Variants in PER2 observed in about 807,000 individuals in gnomAD.
PER2 encodes the protein period circadian protein homolog 2.
In PER2, 66 loss-of-function variants were observed where a neutral mutation model predicts 121.0. That is an observed-to-expected ratio of 0.55 (90% CI 0.45 to 0.67). The LOEUF (loss-of-function observed/expected upper bound fraction) is 0.67. Ranked by LOEUF, PER2 falls within the 30% of genes least tolerant of loss-of-function variation. The probability of loss-of-function intolerance (pLI) is 0.00; values close to 1 mark genes in which losing one functional copy is unlikely to be tolerated. For synonymous variants in PER2, 684 were observed against 659.9 expected, an observed-to-expected ratio of 1.04 and a Z score of -0.56; for missense variants, 1,521 against 1,635.0, an observed-to-expected ratio of 0.93 and a Z score of 1.20.
At chr2:238,260,134 G>A (rs1393083986) in intron 13 of PER2, 81 bp from the exon 14 acceptor site, 2 of 693,644 alleles carry the variant, frequency 2.9e-6, no homozygotes, top group Non-Finnish European at 5.2e-6. Flanking sequence ...AACAGAGGAT[G>A]GCTGAAATAA....
intron 9 of PER2, among the ~76,000 whole-genome samples, chr2:238,263,548 T>TGGGCCTCTGCCC (rs1346226915): frequency 2.0e-5 from 3 of 151,632 alleles, no homozygotes; most frequent in African/African-American, 7.3e-5. Context: ...GGTGGCTGGC[T>TGGGCCTCTGCCC]GGGCCTCTGC....
At chr2:238,296,052 G>A in the PER2 span, among the ~76,000 whole-genome samples, 1 of 142,964 alleles carries the variant, frequency 7.0e-6, no homozygotes, top group Non-Finnish European at 1.5e-5. Flanking sequence ...TCAGTCGTGT[G>A]CCCTCCTGCT....
At chr2:238,259,052 T>G (rs1347079017) in intron 14 of PER2, among the ~76,000 whole-genome samples, 5 of 152,306 alleles carry the variant, frequency 3.3e-5, no homozygotes, top group African/African-American at 1.2e-4. Context: ...TGATGACAAC[T>G]GCCTGCTCAC....
intron 1 of PER2, among the ~76,000 whole-genome samples, chr2:238,284,486 T>C (rs1696724717): frequency 6.7e-6 from 1 of 150,226 alleles, no homozygotes; most frequent in Non-Finnish European, 1.5e-5. Flanking sequence ...GAAAAACAGA[T>C]GGGCAACAAA....
intron 1 of PER2, among the ~76,000 whole-genome samples, chr2:238,278,594 A>C (rs1252366429): frequency 2.0e-5 from 3 of 152,206 alleles, no homozygotes; most frequent in Admixed American, 6.5e-5. Context: ...CCCTCTGAAT[A>C]GGTGATCTGC....
chr2:238,280,778 CAT>C (rs1696604905), intron 1 of PER2, among the ~76,000 whole-genome samples: 1 of 152,064 alleles, frequency 6.6e-6, no homozygotes, highest in Admixed American at 6.6e-5. Context: ...GAGCGAGACA[CAT>C]AAAGAGAACC....
intron 8 of PER2, 73 bp downstream of exon 8, chr2:238,267,983 A>C: frequency 6.5e-7 from 1 of 1,535,018 alleles, no homozygotes; most frequent in Non-Finnish European, 9.0e-7. Context: ...TACAGATGTT[A>C]TGTGTGAACC....
upstream of PER2, among the ~76,000 whole-genome samples, chr2:238,288,829 C>G (rs1240207641): frequency 6.6e-6 from 1 of 152,074 alleles, no homozygotes; most frequent in Non-Finnish European, 1.5e-5. Flanking sequence ...CGCGCCCGCC[C>G]CCGGCCTCCG....
chr2:238,282,071 G>A (rs894945156), intron 1 of PER2, among the ~76,000 whole-genome samples: 1 of 152,144 alleles, frequency 6.6e-6, no homozygotes, highest in East Asian at 1.9e-4. Flanking sequence ...CTTAGCTTAC[G>A]CCCGGCCCGT....
chr2:238,260,407 C>T (rs1695891695), intron 13 of PER2, among the ~76,000 whole-genome samples: 1 of 152,034 alleles, frequency 6.6e-6, no homozygotes, highest in African/African-American at 2.4e-5. Context: ...CAGGGGCGCG[C>T]CACCATGCAA....
upstream of PER2, among the ~76,000 whole-genome samples, chr2:238,288,763 C>T (rs1559339807): frequency 6.6e-6 from 1 of 151,698 alleles, no homozygotes; most frequent in African/African-American, 2.4e-5. Context: ...AGCGCCGCCG[C>T]CTCCGCCGCG....
At chr2:238,287,810 T>C (rs967321360) in intron 1 of PER2, among the ~76,000 whole-genome samples, 4 of 152,198 alleles carry the variant, frequency 2.6e-5, no homozygotes, top group African/African-American at 9.7e-5. Flanking sequence ...CGTCATCCCT[T>C]ACCCTGGCCT....
intron 6 of PER2, 67 bp downstream of exon 6, chr2:238,271,245 G>T (rs2106317276): frequency 1.4e-6 from 2 of 1,418,036 alleles, no homozygotes; most frequent in Non-Finnish European, 2.0e-6. Context: ...CCACATCTGG[G>T]TTGGGCCCAG....
In PER2 at chr2:238,255,854, G is replaced by A. The variant is rs1197502536; in HGVS notation, c.2123C>T (p.Ala708Val). The part of the protein sequence containing the change: ...PESLDCLAGP[A>V]LACGLSQEKE... Reference sequence around the variant, plus strand: ...CTCTTGGCTGAGACCACAGGCCAGGGCAGGGCCCGCCAGGCAGTCCAGGGA... The same window carrying A: ...CTCTTGGCTGAGACCACAGGCCAGGACAGGGCCCGCCAGGCAGTCCAGGGA... Residue 708 changes from alanine to valine, a missense_variant, in exon 18 of 23, where the codon GCC becomes GTC. By Grantham distance (64) the Ala-to-Val change is moderately conservative. Transcript: ENST00000254657. 1.2e-6 allele frequency: 2 copies of A among 1,614,212 alleles called. No homozygotes were observed. The highest frequency in any genetic ancestry group is 1.1e-5 in the South Asian group (1 of 91,090).
rs375690964 is a variant in PER2, at chr2:238,272,009, ACT to A, written c.571-498_571-497del. ...CCCCCTCACCCTAAAACCAACATAT[ACT>A]CTCAGTCTGTAAGAGAAAGCGCTCC... is the stretch of plus-strand genomic sequence containing the variant. On this transcript the variant is annotated intron_variant, in intron 5 of 22. Transcript: ENST00000254657. Among the ~76,000 whole-genome samples the A allele has an allele frequency of 2.0e-3, 308 of 151,906 alleles. 2 individuals are homozygous for A. Among genetic ancestry groups the A allele is most frequent in the African/African-American group, 7.1e-3 (292 of 41,390 alleles).
chr2:238,293,913 G>A (rs1034884850), upstream of PER2, among the ~76,000 whole-genome samples: 1 of 152,124 alleles, frequency 6.6e-6, no homozygotes, highest in Admixed American at 6.5e-5. Flanking sequence ...CTAATCTGTG[G>A]ATCAGGTTTT....
At position 238,277,951 on chromosome 2, in the gene PER2, C is replaced by G. The variant is rs755084971; in HGVS notation, c.-15G>C. On this transcript the variant is annotated 5_prime_UTR_variant, in exon 2 of 23. Coordinates refer to ENST00000254657, the MANE Select transcript of PER2 (RefSeq NM_022817.3). The stretch of plus-strand genomic sequence containing the variant: ...TATCCATTCATGCTGGGCTCTGGAA[C>G]GAAGCTGGCAAACAGAGGGATGCTG... 7 of 1,612,008 alleles carry G rather than the reference C, an allele frequency of 4.3e-6. No homozygotes were observed. The highest frequency in any genetic ancestry group is 5.1e-6 in the Non-Finnish European group (6 of 1,179,568).
At chr2:238,260,458 C>T (rs1452227588) in intron 13 of PER2, among the ~76,000 whole-genome samples, 2 of 152,002 alleles carry the variant, frequency 1.3e-5, no homozygotes, top group East Asian at 3.9e-4. Context: ...GTTTCACCAC[C>T]TTGCCCAGGC....
At chr2:238,293,734 CAA>C (rs397939497), upstream of PER2, among the ~76,000 whole-genome samples, 18 of 104,648 alleles carry the variant, frequency 1.7e-4, no homozygotes, top group Non-Finnish European at 2.2e-4. Context: ...GACTCTGTCT[CAA>C]AAAAAAAAAA....
Sources: gnomAD v4.1 joint callset for allele counts (sites outside exome capture counted in the v4.1 genomes callset) on GRCh38, gnomAD v4.1.1 for gene constraint, MANE v1.5 for transcripts, NCBI Gene and HGNC (gene_info 2026-07-23, HGNC 2026-07-21) for gene names.